Variants in CD34 observed in about 807,000 individuals in gnomAD.
CD34 encodes the protein hematopoietic progenitor cell antigen CD34.
In CD34, 34 loss-of-function variants were observed where a neutral mutation model predicts 40.1. The ratio of observed to expected loss-of-function variants is 0.85; its 90% CI spans 0.65 to 1.13. The LOEUF (loss-of-function observed/expected upper bound fraction) is 1.13, where lower values mean the gene tolerates loss of function less well. CD34 is among the 50% of genes most tolerant of loss of function. CD34 has a pLI of 0.00. For missense variants in CD34, 426 were observed against 466.9 expected (o/e 0.91, Z 0.81); for synonymous variants, 209 against 190.0 (o/e 1.10, Z -0.82).
intron 1 of CD34, among the ~76,000 whole-genome samples, chr1:207,903,522 C>T (rs1462756900): frequency 6.6e-6 from 1 of 152,164 alleles, no homozygotes; most frequent in Admixed American, 6.5e-5. Flanking sequence ...CTGTGTTTCC[C>T]TAGGGACTCC....
At chr1:207,909,110 C>A (rs947625631) in intron 1 of CD34, among the ~76,000 whole-genome samples, 1 of 152,166 alleles carries the variant, frequency 6.6e-6, no homozygotes, top group Non-Finnish European at 1.5e-5. Flanking sequence ...CTACAATTGG[C>A]TCAAGTAGTC....
chr1:207,888,972 G>T, intron 6 of CD34, 126 bp from the exon 7 acceptor site: 1 of 1,046,250 alleles, frequency 9.6e-7, no homozygotes, highest in Non-Finnish European at 1.4e-6. Flanking sequence ...AGGAATTTTT[G>T]AAATGGGATT....
chr1:207,906,069 T>C (rs1429187726), intron 1 of CD34, among the ~76,000 whole-genome samples: 2 of 152,220 alleles, frequency 1.3e-5, no homozygotes, highest in African/African-American at 4.8e-5. Context: ...AAATGAGAGC[T>C]GGATCTCTTT....
chr1:207,900,176 T>C (rs1390707295), intron 1 of CD34, among the ~76,000 whole-genome samples, 173 bp from the exon 2 acceptor site: 1 of 152,144 alleles, frequency 6.6e-6, no homozygotes, highest in East Asian at 1.9e-4. Context: ...ACTACCAAAT[T>C]TGCCCTGAGG....
At position 207,883,650 on chromosome 1, in the gene CD34, T is replaced by A. The variant is rs1661845649; in HGVS notation, c.*4088A>T. The A allele has an allele frequency of 6.6e-6, 1 of 152,216 alleles. No homozygotes were observed. The highest frequency in any genetic ancestry group is 6.5e-5 in the Admixed American group (1 of 15,280). 9.4% of individuals were successfully genotyped at this position (152,216 alleles called of 1,614,324 possible). On this transcript the variant is annotated 3_prime_UTR_variant, in exon 8 of 8. Coordinates refer to ENST00000310833, the MANE Select transcript of CD34 (RefSeq NM_001025109.2). ...ACCTACTTCACAGGGTTTCTGTGAA[T>A]GTTAAGTAAAATATGCTATTTAAAT...
intron 4 of CD34, among the ~76,000 whole-genome samples, chr1:207,893,938 T>A (rs764577797): frequency 1.3e-5 from 2 of 152,192 alleles, no homozygotes; most frequent in South Asian, 2.1e-4. Context: ...TTGATGAGGA[T>A]GAGAAGAAAT....
chr1:207,900,315 T>C (rs1662247853), intron 1 of CD34, among the ~76,000 whole-genome samples: 1 of 152,158 alleles, frequency 6.6e-6, no homozygotes, highest in Admixed American at 6.5e-5. Context: ...CCATAATCAT[T>C]ATATAATCAT....
In CD34 at chr1:207,883,621, T is replaced by C. The variant is rs1661845431; in HGVS notation, c.*4117A>G. The C allele has an allele frequency of 6.6e-6, 1 of 152,214 alleles. No homozygotes were observed. The highest frequency in any genetic ancestry group is 1.5e-5 in the Non-Finnish European group (1 of 68,036). 9.4% of individuals were successfully genotyped at this position (152,214 alleles called of 1,614,324 possible). A position where few individuals can be genotyped will look rare whatever the true frequency, so the allele number is the denominator to read the frequency against. On this transcript the variant is annotated 3_prime_UTR_variant, in exon 8 of 8. Transcript: ENST00000310833. ...GTTTCAGTTTCTTTTTCTGAGATAATAGAACCTACTTCACAGGGTTTCTGT... is the reference window on the plus strand; with the variant it reads ...GTTTCAGTTTCTTTTTCTGAGATAACAGAACCTACTTCACAGGGTTTCTGT...
At position 207,899,136 on chromosome 1, in the gene CD34, C is replaced by T. The variant is rs368829114; in HGVS notation, c.353G>A (p.Ser118Asn). 6 of 1,614,026 alleles carry T rather than the reference C, an allele frequency of 3.7e-6. No individual in the cohort carries two copies. In the African/African-American group the frequency reaches 8.0e-5, roughly 22 times the overall value. ...GTTGGCTGGGGTGGTGAACACTGTG[C>T]TGATTACAGAGGTCTGTGACTGGAC... ...SSVQSQTSVI[S>N]TVFTTPANVS... is the part of the protein sequence containing the mutation. The change falls in exon 3 of 8, where the codon AGC becomes AAC. Residue 118 changes from serine to asparagine, a missense_variant. Physicochemically the swap from Ser to Asn is conservative, Grantham distance 46 (BLOSUM62 1). Coordinates refer to ENST00000310833, the MANE Select transcript of CD34 (RefSeq NM_001025109.2).
chr1:207,893,163 T>C (rs531780763), intron 4 of CD34, among the ~76,000 whole-genome samples: 2 of 152,290 alleles, frequency 1.3e-5, no homozygotes, highest in African/African-American at 4.8e-5. Flanking sequence ...TACAAGCTCC[T>C]AACTACATCA....
At chr1:207,896,139 G>A (rs1662146515) in intron 4 of CD34, among the ~76,000 whole-genome samples, 1 of 152,182 alleles carries the variant, frequency 6.6e-6, no homozygotes, top group Non-Finnish European at 1.5e-5. Context: ...TACAGGCTGC[G>A]ATCTTTCCAG....
At chr1:207,888,988 C>T in intron 6 of CD34, 142 bp from the exon 7 acceptor site, 1 of 954,884 alleles carries the variant, frequency 1.0e-6, no homozygotes, top group Non-Finnish European at 1.6e-6. Flanking sequence ...GGATTTGAGA[C>T]TGACGTCTCT....
chr1:207,897,502 G>A lies in CD34; in HGVS notation c.588C>T (p.Thr196=), dbSNP rs777553137. 1 of 1,558,304 alleles carries A rather than the reference G, an allele frequency of 6.4e-7. No individual in the cohort carries two copies. The highest frequency in any genetic ancestry group is 2.4e-5 in the East Asian group (1 of 41,868). ...TQGICLEQNK[T]SSCAEFKKDR... Reference sequence around the variant, plus strand: ...TGGGGGGTTGACTTACACAGCTGGAGGTCTTATTTTGCTCCAGGCAGATGC... The same window carrying A: ...TGGGGGGTTGACTTACACAGCTGGAAGTCTTATTTTGCTCCAGGCAGATGC... The change falls in exon 4 of 8, where the codon ACC becomes ACT. Residue 196 remains threonine, a synonymous_variant. Coordinates refer to ENST00000310833, the MANE Select transcript of CD34 (RefSeq NM_001025109.2).
intron 4 of CD34, chr1:207,889,938 C>T (rs1469202917): frequency 6.8e-7 from 1 of 1,473,224 alleles, no homozygotes. Flanking sequence ...AAAGAAATGG[C>T]CAAAAACAGA....
Position 207,881,865 on chromosome 1 carries a change from T to A in CD34, c.*5873A>T, listed in dbSNP as rs1489386076. On this transcript the variant is annotated 3_prime_UTR_variant, in exon 8 of 8. Transcript: ENST00000310833. Reference sequence around the variant, plus strand: ...TTTTTAAACAAATTAATAAATAAAATTTTCTCAATTTTAATTTTTGAAACA... The same window carrying A: ...TTTTTAAACAAATTAATAAATAAAAATTTCTCAATTTTAATTTTTGAAACA... 1.3e-5 allele frequency: 2 copies of A among 152,204 alleles called. No homozygotes were observed. The highest frequency in any genetic ancestry group is 4.8e-5 in the African/African-American group (2 of 41,460). 9.4% of individuals were successfully genotyped at this position (152,204 alleles called of 1,614,324 possible).
In CD34 at chr1:207,887,835, C is replaced by A. The variant is rs1661934003; in HGVS notation, c.1061G>T (p.Ser354Ile). The A allele has an allele frequency of 5.0e-6, 8 of 1,614,206 alleles. No individual in the cohort carries two copies. The Admixed American group carries it at 8.3e-5, about 17-fold the overall frequency. ...GTSPEAQGKA[S>I]VNRGAQENGT... The stretch of plus-strand genomic sequence containing the variant: ...GTTTTCCTGAGCCCCTCGGTTCACA[C>A]TGGCCTTTCCCTGAGCCTCAGGGGA... The change falls in exon 8 of 8, where the codon AGT (serine) becomes ATT (isoleucine). Residue 354 changes from serine to isoleucine, a missense_variant. Physicochemically the swap from Ser to Ile is moderately radical, Grantham distance 142 (BLOSUM62 -2). Transcript: ENST00000310833.
chr1:207,888,674 G>A lies in CD34; in HGVS notation c.972+8C>T. On this transcript the variant is annotated splice_region_variant and intron_variant, in intron 7 of 7. Transcript: ENST00000310833. Reference sequence around the variant, plus strand: ...CTCATTTCCTTTACCCTGGCCCCCAGAACTGACCAGCCTTTCTCCTGTGGG... The same window carrying A: ...CTCATTTCCTTTACCCTGGCCCCCAAAACTGACCAGCCTTTCTCCTGTGGG... 1.2e-6 allele frequency: 2 copies of A among 1,613,882 alleles called. No homozygotes were observed. The highest frequency in any genetic ancestry group is 1.1e-5 in the South Asian group (1 of 91,054).
At chr1:207,902,959 C>T (rs1662305351) in intron 1 of CD34, among the ~76,000 whole-genome samples, 1 of 152,154 alleles carries the variant, frequency 6.6e-6, no homozygotes, top group Non-Finnish European at 1.5e-5. Context: ...AAAGGGACCC[C>T]AACTTCAGAG....
Position 207,887,809 on chromosome 1 carries a change from C to T in CD34, c.1087G>A (p.Gly363Arg), listed in dbSNP as rs202201441. The T allele has an allele frequency of 3.2e-5, 51 of 1,614,080 alleles. 1 individual carries two copies. In the South Asian group the frequency reaches 3.4e-4, roughly 11 times the overall value. Residue 363 changes from glycine (G) to arginine (R), a missense_variant, in exon 8 of 8, where the codon GGG becomes AGG. Gly to Arg is a moderately radical substitution (Grantham distance 125). Coordinates refer to ENST00000310833, the MANE Select transcript of CD34 (RefSeq NM_001025109.2). ...ASVNRGAQEN[G>R]TGQATSRNGH... ...TTTCTGGAGGTGGCCTGGCCGGTCCCGTTTTCCTGAGCCCCTCGGTTCACA... is the reference window on the plus strand; with the variant it reads ...TTTCTGGAGGTGGCCTGGCCGGTCCTGTTTTCCTGAGCCCCTCGGTTCACA...
Sources: gnomAD v4.1 joint callset for allele counts (sites outside exome capture counted in the v4.1 genomes callset) on GRCh38, gnomAD v4.1.1 for gene constraint, MANE v1.5 for transcripts, NCBI Gene and HGNC (gene_info 2026-07-23, HGNC 2026-07-21) for gene names.